Variants in POC1B observed in about 807,000 individuals in gnomAD.
POC1B encodes POC1 centriolar protein homolog B.
A neutral mutation model predicts 60.6 loss-of-function variants in POC1B; 44 were observed. The observed-to-expected ratio is 0.73, with a 90% CI of 0.57 to 0.93. POC1B has a LOEUF of 0.93. Among genes scored for constraint, POC1B ranks in the 40% least tolerant of loss-of-function variants. The pLI, the probability that POC1B is intolerant of heterozygous loss-of-function variation, is 0.00. For synonymous variants in POC1B, 180 were observed against 198.9 expected (o/e 0.90, Z 0.80); for missense variants, 555 against 572.3 (o/e 0.97, Z 0.31).
downstream of POC1B, among the ~76,000 whole-genome samples, chr12:89,417,445 G>A (rs1880381920): frequency 1.3e-5 from 2 of 152,156 alleles, no homozygotes; most frequent in Non-Finnish European, 2.9e-5. Flanking sequence ...CCCTTCAGGG[G>A]AGCCCAAACG....
chr12:89,461,284 A>G (rs1301429272), intron 9 of POC1B: 1 of 152,222 alleles, frequency 6.6e-6, no homozygotes, highest in Non-Finnish European at 1.5e-5. Context: ...AACACGGCAT[A>G]TGACGGCTCT....
At chr12:89,440,172 G>T (rs1881453228) in intron 10 of POC1B, among the ~76,000 whole-genome samples, 2 of 152,154 alleles carry the variant, frequency 1.3e-5, no homozygotes, top group Admixed American at 1.3e-4. Flanking sequence ...AACACCACAA[G>T]ATGCACTACC....
At chr12:89,514,900 G>A (rs1242042977) in intron 2 of POC1B, among the ~76,000 whole-genome samples, 1 of 151,982 alleles carries the variant, frequency 6.6e-6, no homozygotes, top group East Asian at 1.9e-4. Flanking sequence ...ATCCCCTTAA[G>A]CTGACCTGGT....
intron 10 of POC1B, among the ~76,000 whole-genome samples, chr12:89,457,067 C>T (rs61435009): frequency 0.022 from 3,413 of 152,260 alleles, 104 homozygotes; most frequent in African/African-American, 0.073. Flanking sequence ...ACAGTAACTA[C>T]AATAACAATA....
chr12:89,402,338 TACACACACACAC>T, the POC1B span, among the ~76,000 whole-genome samples: 14 of 149,040 alleles, frequency 9.4e-5, no homozygotes, highest in South Asian at 1.5e-3. Flanking sequence ...TTATCACAAA[TACACACACACAC>T]ACACACACAC....
Position 89,476,653 on chromosome 12 carries a change from C to T in POC1B, c.453-4378G>A, listed in dbSNP as rs113040482. On this transcript the variant is annotated intron_variant, in intron 4 of 11. Coordinates refer to ENST00000313546, the MANE Select transcript of POC1B (RefSeq NM_172240.3). ...GGCGGAGGCTGCAGTGAGCCAAGATCGCACCACTGCACTCCAGCCTGGGTG... is the reference window on the plus strand; with the variant it reads ...GGCGGAGGCTGCAGTGAGCCAAGATTGCACCACTGCACTCCAGCCTGGGTG... Among the ~76,000 whole-genome samples the T allele has an allele frequency of 6.9e-3, 1,041 of 151,746 alleles. 12 individuals carry two copies. The highest frequency in any genetic ancestry group is 0.024 in the African/African-American group (996 of 41,284).
chr12:89,451,827 T>A (rs958579869), intron 10 of POC1B, among the ~76,000 whole-genome samples: 2 of 152,134 alleles, frequency 1.3e-5, no homozygotes, highest in African/African-American at 2.4e-5. Context: ...CAGCACCAAA[T>A]AACTCAAAAC....
chr12:89,405,190 GAACT>G, the POC1B span, among the ~76,000 whole-genome samples: 1 of 152,168 alleles, frequency 6.6e-6, no homozygotes, highest in African/African-American at 2.4e-5. Context: ...TAAAAAAAAT[GAACT>G]AACATGGTTG....
chr12:89,522,781 C>G (rs746000066), intron 2 of POC1B: 1 of 1,533,920 alleles, frequency 6.5e-7, no homozygotes, highest in East Asian at 2.3e-5. Flanking sequence ...CTTGACACTA[C>G]TGTCAGCTCA....
chr12:89,503,985 G>A (rs941590404), intron 2 of POC1B, among the ~76,000 whole-genome samples: 1 of 148,956 alleles, frequency 6.7e-6, no homozygotes, highest in African/African-American at 2.5e-5. Context: ...CCGGGAGGGA[G>A]GTGGGGGGCG....
chr12:89,456,310 T>G (rs766586971), intron 10 of POC1B, among the ~76,000 whole-genome samples: 2 of 152,170 alleles, frequency 1.3e-5, no homozygotes, highest in Non-Finnish European at 2.9e-5. Context: ...TGTGAGCCAC[T>G]GTGCCCAACC....
chr12:89,403,209 T>C, the POC1B span, among the ~76,000 whole-genome samples: 1 of 152,164 alleles, frequency 6.6e-6, no homozygotes, highest in Admixed American at 6.5e-5. Flanking sequence ...GGTTTCACCA[T>C]GTTGGCCAGG....
At chr12:89,524,406 C>T (rs761800985) in intron 2 of POC1B, 1 of 1,613,978 alleles carries the variant, frequency 6.2e-7, no homozygotes, top group South Asian at 1.1e-5. Context: ...GGTCTGAGAG[C>T]CTTCTTGACC....
chr12:89,470,519 A>C (rs1394484602), intron 6 of POC1B, 25 bp from the exon 7 acceptor site: 1 of 1,541,664 alleles, frequency 6.5e-7, no homozygotes, highest in South Asian at 1.2e-5. Flanking sequence ...ATAAAAGCAA[A>C]AAGTTCAGAG....
chr12:89,441,574 T>C (rs989233828), intron 10 of POC1B, among the ~76,000 whole-genome samples: 2 of 152,064 alleles, frequency 1.3e-5, no homozygotes, highest in African/African-American at 4.8e-5. Context: ...GAAGGAAACC[T>C]AACAAACAGA....
At chr12:89,506,802 G>A (rs1015022175) in intron 2 of POC1B, among the ~76,000 whole-genome samples, 1 of 152,070 alleles carries the variant, frequency 6.6e-6, no homozygotes, top group African/African-American at 2.4e-5. Context: ...GTTCCAGCGG[G>A]GCTTCCTGGG....
rs559083194 is a variant in POC1B at position 89,467,171 on chromosome 12, CT to C, written c.880-250del. Among the ~76,000 whole-genome samples the C allele has an allele frequency of 1.5e-4, 23 of 150,936 alleles. No individual in the cohort carries two copies. In the East Asian group the frequency reaches 3.3e-3, roughly 22 times the overall value. ...AAATATCTGGTTATCTTAAAATCCT[CT>C]TTTTTTTTGGTCAAAGCCCAAAACC... On this transcript the variant is annotated intron_variant, in intron 8 of 11. Coordinates refer to ENST00000313546, the MANE Select transcript of POC1B (RefSeq NM_172240.3).
intron 10 of POC1B, among the ~76,000 whole-genome samples, chr12:89,453,982 GA>G (rs2120780036): frequency 6.6e-6 from 1 of 152,278 alleles, no homozygotes; most frequent in African/African-American, 2.4e-5. Context: ...AAAACTTTCT[GA>G]AAGAGAATCC....
chr12:89,491,103 C>T (rs1446099707), intron 4 of POC1B, among the ~76,000 whole-genome samples: 2 of 152,134 alleles, frequency 1.3e-5, no homozygotes, highest in Non-Finnish European at 2.9e-5. Flanking sequence ...TGGCCAGCCT[C>T]CCTGGGGCCC....
Sources: allele counts gnomAD v4.1 joint callset (sites outside exome capture counted in the v4.1 genomes callset), GRCh38; gene constraint gnomAD v4.1.1; transcripts MANE v1.5; gene names NCBI Gene and HGNC (gene_info 2026-07-23, HGNC 2026-07-21).